DYNAP: variants seen among roughly 807,000 people sequenced by gnomAD.
DYNAP encodes the protein dynactin associated protein.
Under a neutral mutation model 8.5 loss-of-function variants are expected in DYNAP, and 7 were observed. That is an observed-to-expected ratio of 0.82 (90% CI 0.47 to 1.54). The LOEUF is 1.54. Ranked by LOEUF, DYNAP falls within the 40% of genes most tolerant of loss-of-function variation. The pLI, the probability that DYNAP is intolerant of heterozygous loss-of-function variation, is 0.01. For synonymous variants in DYNAP, 77 were observed against 77.9 expected, an observed-to-expected ratio of 0.99 and a Z score of 0.06; for missense variants, 256 against 224.3, an observed-to-expected ratio of 1.14 and a Z score of -0.90.
chr18:54,589,025 A>C (rs981630939), upstream of DYNAP, among the ~76,000 whole-genome samples: 1 of 152,204 alleles, frequency 6.6e-6, no homozygotes. Flanking sequence ...CTAAGATCAC[A>C]TGGCCGAAGC....
the DYNAP span, among the ~76,000 whole-genome samples, chr18:54,581,576 C>A: frequency 6.6e-6 from 1 of 152,166 alleles, no homozygotes; most frequent in Non-Finnish European, 1.5e-5. Context: ...CATGCTATAT[C>A]TTACTGGTGG....
chr18:54,582,638 G>A, the DYNAP span, among the ~76,000 whole-genome samples: 26 of 152,168 alleles, frequency 1.7e-4, no homozygotes, highest in African/African-American at 4.1e-4. Context: ...ATACTAACCC[G>A]TCTACTTGGC....
At chr18:54,588,260 G>C (rs991244764), upstream of DYNAP, among the ~76,000 whole-genome samples, 1 of 149,836 alleles carries the variant, frequency 6.7e-6, no homozygotes, top group Non-Finnish European at 1.5e-5. Context: ...AAGCTGGAGT[G>C]TGATAGCAGA....
chr18:54,576,373 G>T, the DYNAP span, among the ~76,000 whole-genome samples: 193 of 152,186 alleles, frequency 1.3e-3, 4 homozygotes, highest in East Asian at 0.025. Flanking sequence ...AATAATGAGG[G>T]TTCAGTGGAT....
At chr18:54,591,204 C>T, upstream of DYNAP, 1 of 1,608,736 alleles carries the variant, frequency 6.2e-7, no homozygotes, top group Non-Finnish European at 8.5e-7. Flanking sequence ...TTAATTGTTT[C>T]ATGGTTGCAG....
chr18:54,585,996 A>G (rs1910865043), upstream of DYNAP, among the ~76,000 whole-genome samples: 1 of 151,270 alleles, frequency 6.6e-6, no homozygotes, highest in African/African-American at 2.4e-5. Flanking sequence ...CTTGCACCCC[A>G]CTCCGTTCCT....
chr18:54,598,259 A>G lies in DYNAP; in HGVS notation c.*114A>G. 9.3e-7 allele frequency: 1 copy of G among 1,079,828 alleles called. No individual in the cohort carries two copies. Among genetic ancestry groups the G allele is most frequent in the South Asian group, 1.6e-5 (1 of 61,888 alleles). The allele number at this position is 1,079,828 out of a possible 1,614,324, so 66.9% of individuals were successfully genotyped here. On this transcript the variant is annotated 3_prime_UTR_variant, in exon 3 of 3. Coordinates refer to ENST00000648945, the MANE Select transcript of DYNAP (RefSeq NM_173629.3). ...TTCAAGTGGAATCATGGCTGCAGTC[A>G]CTTTAACAGACTCTATAACCGTTAC...
upstream of DYNAP, among the ~76,000 whole-genome samples, chr18:54,590,951 C>T (rs189713123): frequency 5.7e-4 from 86 of 152,092 alleles, no homozygotes; most frequent in African/African-American, 1.9e-3. Flanking sequence ...TTTCTGGGGT[C>T]GGTCCTAAAA....
Position 54,599,266 on chromosome 18 carries a change from C to T in DYNAP, c.*1121C>T, listed in dbSNP as rs565437962. 19 of 152,138 alleles carry T rather than the reference C, an allele frequency of 1.2e-4. No homozygotes were observed. The highest frequency in any genetic ancestry group is 1.2e-3 in the South Asian group (6 of 4,810). 9.4% of individuals were successfully genotyped at this position (152,138 alleles called of 1,614,324 possible). A position where few individuals can be genotyped will look rare whatever the true frequency, so the allele number is the denominator to read the frequency against. On this transcript the variant is annotated 3_prime_UTR_variant, in exon 3 of 3. Transcript: ENST00000648945. The stretch of plus-strand genomic sequence containing the variant: ...GTTTGACTCTTTTTGTCAACACATC[C>T]GAACCTGCAACTACAAATGCCACCA...
chr18:54,586,584 A>G (rs1425294659), upstream of DYNAP, among the ~76,000 whole-genome samples: 2 of 152,180 alleles, frequency 1.3e-5, no homozygotes, highest in Non-Finnish European at 2.9e-5. Context: ...TATGATCTTG[A>G]CAGTGAATTC....
the DYNAP span, among the ~76,000 whole-genome samples, chr18:54,580,754 A>G: frequency 1.3e-5 from 2 of 152,236 alleles, no homozygotes; most frequent in Non-Finnish European, 2.9e-5. Context: ...GCCTGAAGCA[A>G]TGGCCAACAA....
intron 2 of DYNAP, among the ~76,000 whole-genome samples, chr18:54,596,501 T>C (rs934531399): frequency 2.6e-5 from 4 of 152,108 alleles, no homozygotes; most frequent in Non-Finnish European, 5.9e-5. Flanking sequence ...CATACAACAA[T>C]GGTTTTTAAA....
chr18:54,597,116 C>G (rs1251680978), intron 2 of DYNAP, among the ~76,000 whole-genome samples: 1 of 151,972 alleles, frequency 6.6e-6, no homozygotes, highest in Non-Finnish European at 1.5e-5. Context: ...ATTCTAAATT[C>G]TATATTATAC....
chr18:54,597,272 A>G, intron 2 of DYNAP, among the ~76,000 whole-genome samples: 1 of 152,108 alleles, frequency 6.6e-6, no homozygotes, highest in Admixed American at 6.6e-5. Flanking sequence ...AATACAGAGG[A>G]TTTTTTAGGG....
upstream of DYNAP, among the ~76,000 whole-genome samples, chr18:54,588,077 G>C (rs1027806826): frequency 6.6e-6 from 1 of 152,070 alleles, no homozygotes; most frequent in Non-Finnish European, 1.5e-5. Context: ...AAAATCAAAA[G>C]TCAAGCTTTC....
chr18:54,594,863 A>G, intron 1 of DYNAP, 76 bp from the exon 2 acceptor site: 1 of 1,479,234 alleles, frequency 6.8e-7, no homozygotes, highest in South Asian at 1.4e-5. Flanking sequence ...GGTACTTTTG[A>G]TAGAAGAATT....
At position 54,595,000 on chromosome 18, in the gene DYNAP, A is replaced by G; in HGVS notation, c.119A>G (p.Asn40Ser). 1 of 1,612,794 alleles carries G rather than the reference A, an allele frequency of 6.2e-7. No homozygotes were observed. Among genetic ancestry groups the G allele is most frequent in the Non-Finnish European group, 8.5e-7 (1 of 1,179,160 alleles). The part of the protein sequence containing the change: ...HSSICWCLPS[N>S]DITSDVSPNL... ...TCCATATGCTGGTGTCTACCTTCAAATGATATAACCAGTGATGTCTCTCCC... is the reference window on the plus strand; with the variant it reads ...TCCATATGCTGGTGTCTACCTTCAAGTGATATAACCAGTGATGTCTCTCCC... Residue 40 changes from asparagine to serine, a missense_variant, in exon 2 of 3, where the codon AAT (asparagine) becomes AGT (serine). Asn to Ser is a conservative substitution (Grantham distance 46). Transcript: ENST00000648945.
the DYNAP span, among the ~76,000 whole-genome samples, chr18:54,580,325 A>G: frequency 7.2e-5 from 11 of 152,220 alleles, no homozygotes; most frequent in Non-Finnish European, 1.5e-4. Flanking sequence ...ATGGTCTACA[A>G]TGAATACTTC....
upstream of DYNAP, among the ~76,000 whole-genome samples, chr18:54,590,127 C>T (rs999540307): frequency 6.4e-4 from 97 of 152,094 alleles, no homozygotes; most frequent in African/African-American, 2.3e-3. Context: ...TTTTATCATC[C>T]CAAACTGAAA....
Sources: allele counts gnomAD v4.1 joint callset (sites outside exome capture counted in the v4.1 genomes callset), GRCh38; gene constraint gnomAD v4.1.1; transcripts MANE v1.5; gene names NCBI Gene and HGNC (gene_info 2026-07-23, HGNC 2026-07-21).